The following CSNK1G1 variants were observed in gnomAD, a reference collection of about 807,000 sequenced individuals.
The protein encoded by CSNK1G1 is casein kinase 1 gamma 1, also known as casein kinase I isoform gamma-1.
A neutral mutation model predicts 59.6 loss-of-function variants in CSNK1G1; 22 were observed. That is an observed-to-expected ratio of 0.37 (90% confidence interval 0.26 to 0.53). The LOEUF (loss-of-function observed/expected upper bound fraction) is 0.53, where lower values mean the gene tolerates loss of function less well. Ranked by LOEUF, CSNK1G1 falls within the 20% of genes least tolerant of loss-of-function variation. CSNK1G1 has a pLI of 0.89. For missense variants in CSNK1G1, 384 were observed against 519.5 expected (o/e 0.74, Z 2.54); for synonymous variants, 179 against 177.1 (o/e 1.01, Z -0.08).
intron 5 of CSNK1G1, among the ~76,000 whole-genome samples, chr15:64,215,720 A>T (rs1308142945): frequency 6.6e-6 from 1 of 152,208 alleles, no homozygotes; most frequent in African/African-American, 2.4e-5. Flanking sequence ...TGCTTCTTAA[A>T]CTGGTATTTG....
chr15:64,233,674 C>T (rs538908049), intron 4 of CSNK1G1, among the ~76,000 whole-genome samples: 12 of 152,120 alleles, frequency 7.9e-5, no homozygotes, highest in Admixed American at 1.3e-4. Context: ...GTCCAGAAGT[C>T]GGGCCTCAGA....
At chr15:64,239,840 A>C (rs980941147) in intron 4 of CSNK1G1, among the ~76,000 whole-genome samples, 1 of 152,230 alleles carries the variant, frequency 6.6e-6, no homozygotes, top group African/African-American at 2.4e-5. Flanking sequence ...GAATTCAATG[A>C]ATTAAATAAA....
intron 1 of CSNK1G1, chr15:64,316,996 G>C (rs1896307467): frequency 6.6e-6 from 1 of 152,138 alleles, no homozygotes; most frequent in African/African-American, 2.4e-5. Context: ...GCCGAATAAA[G>C]CCCTTTGGTG....
chr15:64,171,882 A>C lies in CSNK1G1; in HGVS notation c.*49T>G. 2 of 1,446,900 alleles carry C rather than the reference A, an allele frequency of 1.4e-6. No individual in the cohort carries two copies. The highest frequency in any genetic ancestry group is 1.9e-6 in the Non-Finnish European group (2 of 1,027,094). The allele number at this position is 1,446,900 out of a possible 1,614,324, so 89.6% of individuals were successfully genotyped here. ...ATGAGAAATGGCAGGAGCTGCAGGTACAATTGAGTCAGAGTCCCCAGGGCC... is the reference window on the plus strand; with the variant it reads ...ATGAGAAATGGCAGGAGCTGCAGGTCCAATTGAGTCAGAGTCCCCAGGGCC... On this transcript the variant is annotated 3_prime_UTR_variant, in exon 12 of 12. Transcript: ENST00000303052. This position sits in a 1 kb window ranked among gnomAD's most constrained non-coding sequence, Gnocchi z 4.8.
intron 1 of CSNK1G1, among the ~76,000 whole-genome samples, chr15:64,351,410 T>C (rs1898278093): frequency 6.6e-6 from 1 of 152,228 alleles, no homozygotes. Context: ...TAGTCATTTT[T>C]AGATTTCCTG....
Position 64,272,784 on chromosome 15 carries a change from C to T in CSNK1G1, c.182-13543G>A, listed in dbSNP as rs546279824. ...GTTTTGGAATGGGGTCTTGCTCTGT[C>T]GCCCAGGCTGGAGTGCAGCGGTGCA... On this transcript the variant is annotated intron_variant, in intron 2 of 11. Transcript: ENST00000303052. 2.6e-5 allele frequency among the ~76,000 whole-genome samples: 4 copies of T among 152,024 alleles called. No homozygotes were observed. In the South Asian group the frequency reaches 6.2e-4, roughly 24 times the overall value.
chr15:64,288,472 A>G (rs1894548876), intron 2 of CSNK1G1, among the ~76,000 whole-genome samples: 2 of 152,128 alleles, frequency 1.3e-5, no homozygotes, highest in South Asian at 2.1e-4. Flanking sequence ...TATAGGATTC[A>G]GAACTTTAGA....
In CSNK1G1 at chr15:64,336,257, CT is replaced by C. The variant is rs1897385779; in HGVS notation, c.-225+19730del. Among the ~76,000 whole-genome samples, 3 of 9,156 alleles carry C rather than the reference CT, an allele frequency of 3.3e-4. No individual in the cohort carries two copies. In the Admixed American group the frequency reaches 0.011, roughly 34 times the overall value. 6.0% of individuals were successfully genotyped at this position (9,156 alleles called of 152,430 possible). On this transcript the variant is annotated intron_variant, in intron 1 of 11. Coordinates refer to ENST00000303052, the MANE Select transcript of CSNK1G1 (RefSeq NM_022048.5). ...ATTATCTTGATTAACTAGATTCGAT[CT>C]CTCTCATTTCACTCCTTATTCTATT...
intron 10 of CSNK1G1, among the ~76,000 whole-genome samples, chr15:64,194,781 C>T (rs2082019030): frequency 2.0e-5 from 3 of 152,092 alleles, no homozygotes; most frequent in Non-Finnish European, 4.4e-5. Context: ...TCCCAAAGTG[C>T]AGGTGTGAGC....
intron 2 of CSNK1G1, among the ~76,000 whole-genome samples, chr15:64,280,263 T>C (rs2096874479): frequency 6.6e-6 from 1 of 152,084 alleles, no homozygotes; most frequent in Non-Finnish European, 1.5e-5. Context: ...AGCAGCATGT[T>C]GAAAAAAGAC....
chr15:64,290,659 C>T (rs1809774425), intron 2 of CSNK1G1, among the ~76,000 whole-genome samples: 1 of 152,086 alleles, frequency 6.6e-6, no homozygotes. Context: ...CACAAAAAAA[C>T]CCAGACTTCA....
At chr15:64,351,527 C>A (rs1400899061) in intron 1 of CSNK1G1, among the ~76,000 whole-genome samples, 1 of 152,284 alleles carries the variant, frequency 6.6e-6, no homozygotes, top group East Asian at 1.9e-4. Context: ...TCATTGCACA[C>A]AATTAAGATA....
At chr15:64,305,059 C>CT (rs1197617408) in intron 1 of CSNK1G1, among the ~76,000 whole-genome samples, 8 of 152,066 alleles carry the variant, frequency 5.3e-5, no homozygotes, top group East Asian at 1.9e-4. Flanking sequence ...CCTTATAAGT[C>CT]TTTTTTTTTT....
chr15:64,304,401 A>G, intron 1 of CSNK1G1, among the ~76,000 whole-genome samples: 1 of 151,392 alleles, frequency 6.6e-6, no homozygotes, highest in Non-Finnish European at 1.5e-5. Context: ...AAAAAAAAAA[A>G]AAAAGGAAAG....
At position 64,188,465 on chromosome 15, in the gene CSNK1G1, T is replaced by C. The variant is rs1480606700; in HGVS notation, c.1108-8011A>G. 1 of 1,536,070 alleles carries C rather than the reference T, an allele frequency of 6.5e-7. No individual in the cohort carries two copies. Among genetic ancestry groups the C allele is most frequent in the Admixed American group, 2.0e-5 (1 of 51,004 alleles). ...GGCTGGGCTGAATTTCCCACTCTCC[T>C]CGGCGCTCTGATGATACATTCTGCT... On this transcript the variant is annotated intron_variant, in intron 10 of 11. Transcript: ENST00000303052. The surrounding 1 kb of genome is among the most constrained non-coding windows in gnomAD (Gnocchi z 4.2).
In CSNK1G1 at chr15:64,166,013, ATAC is replaced by A. The variant is rs2081598682; in HGVS notation, c.*5915_*5917del. ...TTGAAATTGACATTCATGTTTAAAA[ATAC>A]TACAAATTTCATTTTCACAGCTGAG... On this transcript the variant is annotated 3_prime_UTR_variant, in exon 12 of 12. Coordinates refer to ENST00000303052, the MANE Select transcript of CSNK1G1 (RefSeq NM_022048.5). This position sits in a 1 kb window ranked among gnomAD's most constrained non-coding sequence, Gnocchi z 4.5. The A allele has an allele frequency of 1.5e-6, 1 of 684,632 alleles. No homozygotes were observed. The highest frequency in any genetic ancestry group is 1.8e-5 in the African/African-American group (1 of 56,350). The allele number at this position is 684,632 out of a possible 1,614,324, so 42.4% of individuals were successfully genotyped here. A position where few individuals can be genotyped will look rare whatever the true frequency, so the allele number is the denominator to read the frequency against.
rs150067282 is a variant in CSNK1G1 at position 64,278,810 on chromosome 15, C to T, written c.182-19569G>A. Reference sequence around the variant, plus strand: ...AGAGTATAATGAGAACTTCATAGATCCCACTGATGCAACTACACCCCACAT... The same window carrying T: ...AGAGTATAATGAGAACTTCATAGATTCCACTGATGCAACTACACCCCACAT... On this transcript the variant is annotated intron_variant, in intron 2 of 11. Coordinates refer to ENST00000303052, the MANE Select transcript of CSNK1G1 (RefSeq NM_022048.5). Among the ~76,000 whole-genome samples the T allele has an allele frequency of 3.6e-4, 55 of 152,302 alleles. 1 individual carries two copies. The highest frequency in any genetic ancestry group is 1.2e-3 in the African/African-American group (49 of 41,566).
chr15:64,237,190 G>GT (rs1485211258), intron 4 of CSNK1G1, among the ~76,000 whole-genome samples: 1 of 152,046 alleles, frequency 6.6e-6, no homozygotes, highest in Non-Finnish European at 1.5e-5. Flanking sequence ...TGTTATTTGG[G>GT]TGATGAATAC....
chr15:64,181,552 A>C, intron 10 of CSNK1G1: 1 of 938,528 alleles, frequency 1.1e-6, no homozygotes. Flanking sequence ...ATACAAGAAA[A>C]TGTATGAGAC....
Sources: gnomAD v4.1 joint callset for allele counts (sites outside exome capture counted in the v4.1 genomes callset) on GRCh38, gnomAD v4.1.1 for gene constraint, Gnocchi (gnomAD v3.1) non-coding constraint, MANE v1.5 for transcripts, NCBI Gene and HGNC (gene_info 2026-07-23, HGNC 2026-07-21) for gene names.